Variants in GRM4 observed in about 807,000 individuals in gnomAD.
GRM4 encodes the protein glutamate metabotropic receptor 4, also known as metabotropic glutamate receptor 4.
In GRM4, 28 loss-of-function variants were observed where a neutral mutation model predicts 81.7. The observed-to-expected ratio is 0.34, with a 90% CI of 0.25 to 0.47. GRM4 has a LOEUF of 0.47. Among genes scored for constraint, GRM4 ranks in the 20% least tolerant of loss-of-function variants. The pLI is 1.00. For synonymous variants in GRM4, 488 were observed against 528.8 expected, an observed-to-expected ratio of 0.92 and a Z score of 1.06; for missense variants, 948 against 1,290.0, an observed-to-expected ratio of 0.73 and a Z score of 4.06.
At chr6:34,028,387 G>T (rs1159218166) in intron 9 of GRM4, 21 bp from the exon 10 acceptor site, 4 of 1,603,214 alleles carry the variant, frequency 2.5e-6, no homozygotes, top group Non-Finnish European at 1.7e-6. Context: ...GCACGGTGGC[G>T]TCAGAGCAGG....
rs1768954527 is a variant in GRM4 at position 34,103,544 on chromosome 6, T to A, written c.520-11445A>T. 2.0e-6 allele frequency: 3 copies of A among 1,479,516 alleles called. No individual in the cohort carries two copies. The Admixed American group carries it at 5.9e-5, about 29-fold the overall frequency. 91.6% of individuals were successfully genotyped at this position (1,479,516 alleles called of 1,614,324 possible). ...ATCCTCAAATCAGCACTTGTCCTAT[T>A]TCATAGGCGAAATGTAGATCAATAA... On this transcript the variant is annotated intron_variant, in intron 2 of 10. Coordinates refer to ENST00000538487, the MANE Select transcript of GRM4 (RefSeq NM_000841.4).
Position 34,111,817 on chromosome 6 carries a change from A to G in GRM4, c.520-19718T>C, listed in dbSNP as rs1769394080. Among the ~76,000 whole-genome samples the G allele has an allele frequency of 6.6e-6, 1 of 152,134 alleles. No homozygotes were observed. Among genetic ancestry groups the G allele is most frequent in the South Asian group, 2.1e-4 (1 of 4,814 alleles). On this transcript the variant is annotated intron_variant, in intron 2 of 10. Coordinates refer to ENST00000538487, the MANE Select transcript of GRM4 (RefSeq NM_000841.4). The surrounding 1 kb of genome is among the most constrained non-coding windows in gnomAD (Gnocchi z 5.1). ...GACACCATGGGCTGATGTTGGCAGCATTGCCCCTCTCCTCAGTCACCAGCC... is the reference window on the plus strand; with the variant it reads ...GACACCATGGGCTGATGTTGGCAGCGTTGCCCCTCTCCTCAGTCACCAGCC...
intron 3 of GRM4, 100 bp downstream of exon 3, chr6:34,091,783 A>G (rs562688929): frequency 6.1e-5 from 51 of 842,302 alleles, no homozygotes; most frequent in Non-Finnish European, 8.6e-5. Context: ...AGGCAGTCAG[A>G]GCCTGTATCA....
At chr6:34,086,276 A>C (rs1767885963) in intron 3 of GRM4, among the ~76,000 whole-genome samples, 1 of 152,226 alleles carries the variant, frequency 6.6e-6, no homozygotes, top group Non-Finnish European at 1.5e-5. Context: ...CTGTCTCCTC[A>C]GCGGGCTGCC....
rs74526648 is a variant in GRM4 at position 34,081,891 on chromosome 6, A to T, written c.736+9992T>A. Among the ~76,000 whole-genome samples, 739 of 152,344 alleles carry T rather than the reference A, an allele frequency of 4.9e-3. 2 individuals carry two copies. The highest frequency in any genetic ancestry group is 7.1e-3 in the Non-Finnish European group (482 of 68,036). ...CACCCCAGCCAGGAAAGCAGGCAGA[A>T]GTCCAGGGTCAGCAAACAGGTGAAG... On this transcript the variant is annotated intron_variant, in intron 3 of 10. Coordinates refer to ENST00000538487, the MANE Select transcript of GRM4 (RefSeq NM_000841.4).
rs150227887 is a variant in GRM4 at position 34,139,126 on chromosome 6, C to T, written c.-363-5267G>A. On this transcript the variant is annotated intron_variant, in intron 1 of 10. Coordinates refer to ENST00000538487, the MANE Select transcript of GRM4 (RefSeq NM_000841.4). ...AGCAAGAAGCACAGTGGGGGTCTGG[C>T]CCCAACCGGCTTCCCTTTCCTTCCC... Among the ~76,000 whole-genome samples, 1,511 of 152,348 alleles carry T rather than the reference C, an allele frequency of 9.9e-3. 26 individuals are homozygous for T. The highest frequency in any genetic ancestry group is 0.035 in the African/African-American group (1,444 of 41,580).
At chr6:34,125,769 G>A (rs1464449683) in intron 2 of GRM4, among the ~76,000 whole-genome samples, 1 of 152,224 alleles carries the variant, frequency 6.6e-6, no homozygotes, top group Non-Finnish European at 1.5e-5. Flanking sequence ...GCTCTGGTCT[G>A]GAGGTTCCCC....
intron 2 of GRM4, chr6:34,110,582 C>CA (rs1769333166): frequency 1.2e-5 from 8 of 657,484 alleles, no homozygotes; most frequent in Non-Finnish European, 2.1e-5. Flanking sequence ...GTCATCTTCT[C>CA]AGAGAGGTTG....
chr6:34,055,250 C>G (rs926416405), intron 6 of GRM4: 1 of 152,122 alleles, frequency 6.6e-6, no homozygotes, highest in Non-Finnish European at 1.5e-5. Flanking sequence ...CCTTCTCTCT[C>G]AGGAACACCA....
In GRM4 at chr6:34,036,664, C is replaced by T. The variant is rs963726573; in HGVS notation, c.1507-61G>A. ...CATGCCACCCGGTGCCCCGGACCAT[C>T]CTACTGGGTGGTGGCACCTTGTAGC... On this transcript the variant is annotated intron_variant, in intron 8 of 10. Coordinates refer to ENST00000538487, the MANE Select transcript of GRM4 (RefSeq NM_000841.4). The surrounding 1 kb of genome is among the most constrained non-coding windows in gnomAD (Gnocchi z 9.0). The T allele has an allele frequency of 5.3e-6, 5 of 943,592 alleles. No homozygotes were observed. The highest frequency in any genetic ancestry group is 6.4e-6 in the Non-Finnish European group (4 of 627,858). The allele number at this position is 943,592 out of a possible 1,614,324, so 58.5% of individuals were successfully genotyped here. A position where few individuals can be genotyped will look rare whatever the true frequency, so the allele number is the denominator to read the frequency against.
chr6:34,036,653 C>A lies in GRM4; in HGVS notation c.1507-50G>T, dbSNP rs756551899. The A allele has an allele frequency of 8.6e-6, 9 of 1,044,516 alleles. No homozygotes were observed. In the African/African-American group the frequency reaches 1.4e-4, roughly 16 times the overall value. 64.7% of individuals were successfully genotyped at this position (1,044,516 alleles called of 1,614,324 possible). A position where few individuals can be genotyped will look rare whatever the true frequency, so the allele number is the denominator to read the frequency against. ...AGGCCTCAGAACATGCCACCCGGTG[C>A]CCCGGACCATCCTACTGGGTGGTGG... On this transcript the variant is annotated intron_variant, in intron 8 of 10. Coordinates refer to ENST00000538487, the MANE Select transcript of GRM4 (RefSeq NM_000841.4). This position sits in a 1 kb window ranked among gnomAD's most constrained non-coding sequence, Gnocchi z 9.0.
chr6:34,091,672 G>T (rs1266249309), intron 3 of GRM4: 4 of 590,208 alleles, frequency 6.8e-6, no homozygotes, highest in African/African-American at 1.9e-5. Flanking sequence ...GTCTGCAAAG[G>T]CCTCACAGTC....
intron 6 of GRM4, among the ~76,000 whole-genome samples, chr6:34,049,228 T>G (rs1473399430): frequency 6.6e-6 from 1 of 152,072 alleles, no homozygotes; most frequent in Non-Finnish European, 1.5e-5. Flanking sequence ...GAGGTCACAA[T>G]CGCCCCCCAG....
At chr6:34,087,706 C>T (rs111301735) in intron 3 of GRM4, among the ~76,000 whole-genome samples, 1 of 143,032 alleles carries the variant, frequency 7.0e-6, no homozygotes, top group Non-Finnish European at 1.5e-5. Context: ...ACAACCCCCC[C>T]CCCACACACA....
intron 1 of GRM4, among the ~76,000 whole-genome samples, chr6:34,154,344 T>G (rs1287814935): frequency 1.3e-5 from 2 of 152,008 alleles, no homozygotes; most frequent in African/African-American, 4.8e-5. Context: ...GTGGCCAAAT[T>G]ACCTTCTCTT....
intron 10 of GRM4, among the ~76,000 whole-genome samples, chr6:34,027,723 C>T (rs962683653): frequency 5.9e-5 from 9 of 152,170 alleles, no homozygotes; most frequent in Non-Finnish European, 1.2e-4. Context: ...TGAAAGGGCA[C>T]AGGCAGGGGC....
chr6:34,133,561 C>A lies in GRM4; in HGVS notation c.-65G>T. ...CCTAGCCCTGGCAGGCCCCTGGCCC[C>A]ACGGCCTGGGTGGGCATGGGCAGGG... On this transcript the variant is annotated 5_prime_UTR_variant, in exon 2 of 11. Transcript: ENST00000538487. This position sits in a 1 kb window ranked among gnomAD's most constrained non-coding sequence, Gnocchi z 6.5. 2.7e-6 allele frequency: 4 copies of A among 1,497,212 alleles called. No individual in the cohort carries two copies. The highest frequency in any genetic ancestry group is 3.5e-6 in the Non-Finnish European group (4 of 1,130,520). The allele number at this position is 1,497,212 out of a possible 1,614,324, so 92.7% of individuals were successfully genotyped here.
At chr6:34,127,486 G>A (rs542447386) in intron 2 of GRM4, among the ~76,000 whole-genome samples, 9 of 152,370 alleles carry the variant, frequency 5.9e-5, no homozygotes, top group African/African-American at 1.7e-4. Flanking sequence ...CTCTCAGACA[G>A]GAAAGGAGTT....
chr6:34,113,804 C>T (rs952960528), intron 2 of GRM4, among the ~76,000 whole-genome samples: 2 of 152,082 alleles, frequency 1.3e-5, no homozygotes, highest in South Asian at 2.1e-4. Flanking sequence ...CTTTTTAAAA[C>T]GTAAGTCTAA....
Sources: gnomAD v4.1 joint callset for allele counts (sites outside exome capture counted in the v4.1 genomes callset) on GRCh38, gnomAD v4.1.1 for gene constraint, Gnocchi (gnomAD v3.1) non-coding constraint, MANE v1.5 for transcripts, NCBI Gene and HGNC (gene_info 2026-07-23, HGNC 2026-07-21) for gene names.